The following ZNF536 variants were observed in gnomAD, a reference collection of about 807,000 sequenced individuals.
ZNF536 encodes zinc finger protein 536.
ZNF536 carries 13 observed loss-of-function variants against 84.5 expected under a neutral mutation model. The ratio of observed to expected loss-of-function variants is 0.15; its 90% CI spans 0.10 to 0.24. The LOEUF is 0.24. Among genes scored for constraint, ZNF536 ranks in the 10% least tolerant of loss-of-function variants. ZNF536 has a pLI of 1.00. For missense variants in ZNF536, 1,536 were observed against 1,747.5 expected, an observed-to-expected ratio of 0.88 and a Z score of 2.16; for synonymous variants, 811 against 742.5, an observed-to-expected ratio of 1.09 and a Z score of -1.50.
chr19:30,243,429 G>A (rs998243661), intron 1 of ZNF536, among the ~76,000 whole-genome samples: 5 of 152,038 alleles, frequency 3.3e-5, no homozygotes, highest in Admixed American at 6.6e-5. Flanking sequence ...TTTTTCCTCC[G>A]AGGAAATATT....
rs145207327 is a variant in ZNF536, at chr19:30,236,529, CGG to C, written c.-190+7865_-190+7866del. On this transcript the variant is annotated intron_variant, in intron 1 of 5. Transcript: ENST00000585628. The stretch of plus-strand genomic sequence containing the variant: ...GAAAAAGCTTTTGTTAAAGTTGGGG[CGG>C]GGGGGGGGTACAATTGGAATTTTAG... Among the ~76,000 whole-genome samples the C allele has an allele frequency of 1.6e-3, 189 of 117,686 alleles. 1 individual carries two copies. The highest frequency in any genetic ancestry group is 5.4e-3 in the African/African-American group (179 of 32,978). 77.2% of individuals were successfully genotyped at this position (117,686 alleles called of 152,430 possible). A position where few individuals can be genotyped will look rare whatever the true frequency, so the allele number is the denominator to read the frequency against.
intron 4 of ZNF536, among the ~76,000 whole-genome samples, chr19:30,553,737 G>A (rs2045865321): frequency 6.6e-6 from 1 of 152,242 alleles, no homozygotes. Flanking sequence ...GGCTGAGGCA[G>A]GGGCGTTGCA....
chr19:30,402,077 G>T (rs1047864536), intron 1 of ZNF536, among the ~76,000 whole-genome samples: 1 of 152,214 alleles, frequency 6.6e-6, no homozygotes, highest in African/African-American at 2.4e-5. Context: ...TAAGCATGTT[G>T]CAGCCTCAGC....
intron 2 of ZNF536, among the ~76,000 whole-genome samples, chr19:30,506,420 G>A (rs919449145): frequency 1.3e-5 from 2 of 152,224 alleles, no homozygotes; most frequent in Admixed American, 6.5e-5. Flanking sequence ...GTCCTTCTTG[G>A]TGTGGTAGTA....
chr19:30,547,792 A>G (rs757252406), intron 3 of ZNF536, 151 bp from the exon 4 acceptor site: 30 of 860,972 alleles, frequency 3.5e-5, no homozygotes, highest in Non-Finnish European at 5.0e-5. Context: ...GCTTAAGAGT[A>G]CGAATTATTC....
chr19:30,546,594 A>G (rs1272644847), intron 3 of ZNF536, among the ~76,000 whole-genome samples: 1 of 152,202 alleles, frequency 6.6e-6, no homozygotes, highest in African/African-American at 2.4e-5. Flanking sequence ...ACTGGGACTC[A>G]TGCCTTCCGC....
intron 2 of ZNF536, among the ~76,000 whole-genome samples, chr19:30,513,761 A>C (rs544993922): frequency 6.6e-6 from 1 of 152,140 alleles, no homozygotes; most frequent in South Asian, 2.1e-4. Flanking sequence ...GTCACAACCA[A>C]CTTGTTTTGG....
intron 1 of ZNF536, among the ~76,000 whole-genome samples, chr19:30,667,578 T>G (rs1454026018): frequency 1.3e-5 from 2 of 148,686 alleles, no homozygotes; most frequent in African/African-American, 2.5e-5. Context: ...ACCATGACTG[T>G]GTATAAAACA....
chr19:30,449,791 G>A (rs1248005068), intron 2 of ZNF536, among the ~76,000 whole-genome samples: 1 of 152,202 alleles, frequency 6.6e-6, no homozygotes, highest in Non-Finnish European at 1.5e-5. Flanking sequence ...GCCTTGCGAG[G>A]TCTTCTTTTG....
intron 2 of ZNF536, among the ~76,000 whole-genome samples, chr19:30,299,094 GA>G (rs1284184142): frequency 6.6e-6 from 1 of 152,184 alleles, no homozygotes; most frequent in East Asian, 1.9e-4. Flanking sequence ...TAGCCTCTGT[GA>G]AAGAATCATT....
At chr19:30,385,807 A>C (rs528718641) in intron 1 of ZNF536, among the ~76,000 whole-genome samples, 1 of 152,204 alleles carries the variant, frequency 6.6e-6, no homozygotes, top group East Asian at 1.9e-4. Context: ...TGAAATCTGC[A>C]TGTGCGCACT....
chr19:30,354,216 A>G (rs187654506), intron 3 of ZNF536, among the ~76,000 whole-genome samples: 1 of 150,232 alleles, frequency 6.7e-6, no homozygotes, highest in East Asian at 2.0e-4. Context: ...AGATTCTCTG[A>G]CACAGAGAGC....
intron 2 of ZNF536, among the ~76,000 whole-genome samples, chr19:30,338,313 T>TATG (rs776102610): frequency 7.3e-5 from 11 of 150,706 alleles, no homozygotes; most frequent in South Asian, 2.1e-4. Context: ...ACAATGATAA[T>TATG]ATGATGATGA....
chr19:30,527,770 A>T (rs1407147051), intron 2 of ZNF536, among the ~76,000 whole-genome samples: 2 of 152,208 alleles, frequency 1.3e-5, no homozygotes, highest in Non-Finnish European at 2.9e-5. Flanking sequence ...AAAGCTTTCA[A>T]AATAAGGGAA....
At chr19:30,546,478 G>A (rs1309264371) in intron 3 of ZNF536, among the ~76,000 whole-genome samples, 1 of 152,182 alleles carries the variant, frequency 6.6e-6, no homozygotes, top group Non-Finnish European at 1.5e-5. Context: ...GGTAACCACG[G>A]TTCTGGCACG....
intron 1 of ZNF536, among the ~76,000 whole-genome samples, chr19:30,663,521 T>C (rs935003330): frequency 6.6e-6 from 1 of 152,244 alleles, no homozygotes; most frequent in Non-Finnish European, 1.5e-5. Flanking sequence ...TCTAATATTA[T>C]TGCATTCAGG....
At chr19:30,303,227 G>A (rs576354593) in intron 2 of ZNF536, among the ~76,000 whole-genome samples, 1 of 152,298 alleles carries the variant, frequency 6.6e-6, no homozygotes, top group East Asian at 1.9e-4. Context: ...CTATACACCT[G>A]CTCCATCTCC....
intron 2 of ZNF536, among the ~76,000 whole-genome samples, chr19:30,318,739 G>C (rs1169465379): frequency 2.0e-5 from 3 of 152,210 alleles, no homozygotes; most frequent in Non-Finnish European, 4.4e-5. Context: ...CTCTTAGGGT[G>C]AGGATCTGTA....
At chr19:30,598,539 G>A (rs1438378428) in intron 1 of ZNF536, among the ~76,000 whole-genome samples, 3 of 152,084 alleles carry the variant, frequency 2.0e-5, no homozygotes, top group Non-Finnish European at 2.9e-5. Flanking sequence ...GTGTAATTAA[G>A]ACAAAATTAA....
Sources: gnomAD v4.1 joint callset for allele counts (sites outside exome capture counted in the v4.1 genomes callset) on GRCh38, gnomAD v4.1.1 for gene constraint, MANE v1.5 for transcripts, NCBI Gene and HGNC (gene_info 2026-07-23, HGNC 2026-07-21) for gene names.